Variants in TRAF3IP1 observed in about 807,000 individuals in gnomAD.
TRAF3IP1 encodes the protein intraflagellar transport 54.
Under a neutral mutation model 89.9 loss-of-function variants are expected in TRAF3IP1, and 53 were observed. The ratio of observed to expected loss-of-function variants is 0.59; its 90% CI spans 0.47 to 0.74. The LOEUF is 0.74. TRAF3IP1 is among the 30% of genes least tolerant of loss of function. TRAF3IP1 has a pLI of 0.00. For synonymous variants in TRAF3IP1, 311 were observed against 322.1 expected, an observed-to-expected ratio of 0.97 and a Z score of 0.37; for missense variants, 806 against 866.1, an observed-to-expected ratio of 0.93 and a Z score of 0.87.
At chr2:238,347,085 C>T (rs369345736) in intron 9 of TRAF3IP1, 18 of 193,412 alleles carry the variant, frequency 9.3e-5, no homozygotes, top group Middle Eastern at 2.1e-3. Flanking sequence ...TTTGGTTGGC[C>T]GGGTTCAGAC....
In TRAF3IP1 at chr2:238,372,879, C is replaced by T. The variant is rs540506522; in HGVS notation, c.1689+16799C>T. ...GTTTTGATTTGCATTTTTCTGATGA[C>T]CAGTGATGATGAGCATTTTTTCACG... On this transcript the variant is annotated intron_variant, in intron 15 of 16. Transcript: ENST00000373327. Among the ~76,000 whole-genome samples the T allele has an allele frequency of 2.6e-5, 4 of 152,294 alleles. No homozygotes were observed. In the South Asian group the frequency reaches 8.3e-4, roughly 32 times the overall value.
chr2:238,358,334 T>C (rs1485812170), intron 15 of TRAF3IP1, among the ~76,000 whole-genome samples: 5 of 152,170 alleles, frequency 3.3e-5, no homozygotes, highest in Non-Finnish European at 4.4e-5. Flanking sequence ...GCTATGAGTT[T>C]GAGATCATCC....
intron 15 of TRAF3IP1, among the ~76,000 whole-genome samples, chr2:238,393,448 T>C (rs528376196): frequency 2.6e-5 from 4 of 152,344 alleles, no homozygotes; most frequent in South Asian, 2.1e-4. Context: ...ATTGGATGTG[T>C]GATTTGCAGT....
rs766131135 is a variant in TRAF3IP1, at chr2:238,333,955, T to G, written c.988-5T>G. 1 of 1,601,644 alleles carries G rather than the reference T, an allele frequency of 6.2e-7. No homozygotes were observed. Among genetic ancestry groups the G allele is most frequent in the Non-Finnish European group, 8.5e-7 (1 of 1,173,372 alleles). On this transcript the variant is annotated splice_region_variant and splice_polypyrimidine_tract_variant and intron_variant, in intron 6 of 16. Coordinates refer to ENST00000373327, the MANE Select transcript of TRAF3IP1 (RefSeq NM_015650.4). ...TTAATTTCTTTTCATTCTTTTTTCT[T>G]TAAGACTGAGATTTCCACTAGAGCT...
At chr2:238,346,889 T>G (rs942075974) in intron 9 of TRAF3IP1, among the ~76,000 whole-genome samples, 1 of 152,264 alleles carries the variant, frequency 6.6e-6, no homozygotes, top group African/African-American at 2.4e-5. Context: ...TTTGACCGTT[T>G]AGGTCACATT....
In TRAF3IP1 at chr2:238,365,546, C is replaced by T. The variant is rs187500072; in HGVS notation, c.1689+9466C>T. 2.4e-3 allele frequency among the ~76,000 whole-genome samples: 359 copies of T among 152,066 alleles called. 1 individual carries two copies. Among genetic ancestry groups the T allele is most frequent in the Non-Finnish European group, 3.6e-3 (247 of 67,982 alleles). ...GGTGGTGCATACCTGTGTTTCCAGCCACTCGGGAGGCTGAGGCAGAAGGAT... is the reference window on the plus strand; with the variant it reads ...GGTGGTGCATACCTGTGTTTCCAGCTACTCGGGAGGCTGAGGCAGAAGGAT... On this transcript the variant is annotated intron_variant, in intron 15 of 16. Coordinates refer to ENST00000373327, the MANE Select transcript of TRAF3IP1 (RefSeq NM_015650.4).
Position 238,398,820 on chromosome 2 carries a change from C to A in TRAF3IP1, c.1977C>A (p.Asp659Glu), listed in dbSNP as rs113619283. ...CGGAGCTGGAGCAGCTGATCAAAGA[C>A]CAGCAAGACAAGATCTGTGCTGTGA... The part of the protein sequence containing the change: ...ELAELEQLIK[D>E]QQDKICAVKA... The change falls in exon 17 of 17, where the codon GAC becomes GAA. Residue 659 changes from aspartate (D) to glutamate (E), a missense_variant. By Grantham distance (45) the Asp-to-Glu change is conservative. Coordinates refer to ENST00000373327, the MANE Select transcript of TRAF3IP1 (RefSeq NM_015650.4). 1 of 1,613,304 alleles carries A rather than the reference C, an allele frequency of 6.2e-7. No individual in the cohort carries two copies. Among genetic ancestry groups the A allele is most frequent in the South Asian group, 1.1e-5 (1 of 90,982 alleles).
chr2:238,340,812 CGTGTGTGTGT>C (rs71414327), intron 8 of TRAF3IP1, among the ~76,000 whole-genome samples: 1 of 149,302 alleles, frequency 6.7e-6, no homozygotes, highest in Non-Finnish European at 1.5e-5. Flanking sequence ...TACAGTTATG[CGTGTGTGTGT>C]GTGTGTGTGT....
intron 1 of TRAF3IP1, 53 bp from the exon 2 acceptor site, chr2:238,325,253 G>A: frequency 1.3e-6 from 2 of 1,566,874 alleles, no homozygotes; most frequent in South Asian, 2.2e-5. Context: ...GGATGAGGCT[G>A]ATGAGGAGGC....
At chr2:238,378,025 G>T (rs1301234729) in intron 15 of TRAF3IP1, among the ~76,000 whole-genome samples, 1 of 151,882 alleles carries the variant, frequency 6.6e-6, no homozygotes, top group Non-Finnish European at 1.5e-5. Flanking sequence ...TTGTTTGTTT[G>T]TTTGTTTTTT....
intron 14 of TRAF3IP1, among the ~76,000 whole-genome samples, chr2:238,355,280 C>G (rs889573871): frequency 6.6e-6 from 1 of 152,224 alleles, no homozygotes; most frequent in Non-Finnish European, 1.5e-5. Flanking sequence ...CCTCTACCCT[C>G]TACTCTCCCT....
chr2:238,346,793 G>A lies in TRAF3IP1; in HGVS notation c.1262-662G>A, dbSNP rs148004397. Among the ~76,000 whole-genome samples the A allele has an allele frequency of 2.9e-3, 445 of 152,294 alleles. 2 individuals carry two copies. Among genetic ancestry groups the A allele is most frequent in the African/African-American group, 0.01 (419 of 41,548 alleles). On this transcript the variant is annotated intron_variant, in intron 9 of 16. Coordinates refer to ENST00000373327, the MANE Select transcript of TRAF3IP1 (RefSeq NM_015650.4). Reference sequence around the variant, plus strand: ...GCGCTTTCTGCTCTTCTGCAAATGCGTTCGTGCATCTTAAGAGTGTGAAAC... The same window carrying A: ...GCGCTTTCTGCTCTTCTGCAAATGCATTCGTGCATCTTAAGAGTGTGAAAC...
chr2:238,335,835 CTG>C (rs1698365719), intron 7 of TRAF3IP1, among the ~76,000 whole-genome samples: 1 of 151,194 alleles, frequency 6.6e-6, no homozygotes, highest in Non-Finnish European at 1.5e-5. Flanking sequence ...GAGTCTCACT[CTG>C]TTGCCAGACT....
chr2:238,374,072 G>C (rs1674882192), intron 15 of TRAF3IP1, among the ~76,000 whole-genome samples: 2 of 152,196 alleles, frequency 1.3e-5, no homozygotes, highest in Non-Finnish European at 2.9e-5. Flanking sequence ...CATGTCATCT[G>C]CAAACAGGGA....
chr2:238,374,868 G>A (rs1276278058), intron 15 of TRAF3IP1, among the ~76,000 whole-genome samples: 1 of 152,158 alleles, frequency 6.6e-6, no homozygotes, highest in Admixed American at 6.5e-5. Context: ...GAGGGTGTAT[G>A]TGTCCAGGAA....
rs1421537563 is a variant in TRAF3IP1 at position 238,351,866 on chromosome 2, T to TGTGTGTGTGTGTGTGTGTGCGC, written c.1452-960_1452-959insTGTGTGTGTGTGTGTGTGCGCG. On this transcript the variant is annotated intron_variant, in intron 12 of 16. Coordinates refer to ENST00000373327, the MANE Select transcript of TRAF3IP1 (RefSeq NM_015650.4). The surrounding 1 kb of genome is among the most constrained non-coding windows in gnomAD (Gnocchi z 5.2). The stretch of plus-strand genomic sequence containing the variant: ...GTGTGTGTGTGTGTGTGTGTGTGTG[T>TGTGTGTGTGTGTGTGTGTGCGC]GCGCGCGCGCGCGTGTGCGTGCATG... Among the ~76,000 whole-genome samples, 1 of 128,194 alleles carries TGTGTGTGTGTGTGTGTGTGCGC rather than the reference T, an allele frequency of 7.8e-6. No individual in the cohort carries two copies. Among genetic ancestry groups the TGTGTGTGTGTGTGTGTGTGCGC allele is most frequent in the African/African-American group, 3.4e-5 (1 of 29,418 alleles). The allele number at this position is 128,194 out of a possible 152,430, so 84.1% of individuals were successfully genotyped here.
Position 238,344,540 on chromosome 2 carries a change from T to C in TRAF3IP1, c.1203T>C (p.Asp401=), listed in dbSNP as rs756116803. Residue 401 remains aspartate (D), a synonymous_variant, in exon 9 of 17, where the codon GAT becomes GAC. Coordinates refer to ENST00000373327, the MANE Select transcript of TRAF3IP1 (RefSeq NM_015650.4). ...TTAACTCAACTAGTATTTCAGATGA[T>C]AATTCAGCTAGTCTGCGGTGTGAGA... ...ANINSTSISD[D]NSASLRCENI... The C allele has an allele frequency of 6.2e-7, 1 of 1,614,216 alleles. No homozygotes were observed. Among genetic ancestry groups the C allele is most frequent in the Non-Finnish European group, 8.5e-7 (1 of 1,180,034 alleles).
At position 238,398,934 on chromosome 2, in the gene TRAF3IP1, C is replaced by T; in HGVS notation, c.*15C>T. On this transcript the variant is annotated 3_prime_UTR_variant, in exon 17 of 17. Coordinates refer to ENST00000373327, the MANE Select transcript of TRAF3IP1 (RefSeq NM_015650.4). ...CGAGAAGGTGAACACTCAAAAGTTTCAGAGATGAAAAGTCACCTCAGTTTA... is the reference window on the plus strand; with the variant it reads ...CGAGAAGGTGAACACTCAAAAGTTTTAGAGATGAAAAGTCACCTCAGTTTA... 6.3e-7 allele frequency: 1 copy of T among 1,583,890 alleles called. No individual in the cohort carries two copies. Among genetic ancestry groups the T allele is most frequent in the East Asian group, 2.2e-5 (1 of 44,502 alleles).
At position 238,399,185 on chromosome 2, in the gene TRAF3IP1, G is replaced by T. The variant is rs1481214539; in HGVS notation, c.*266G>T. 3.1e-6 allele frequency: 1 copy of T among 322,602 alleles called. No homozygotes were observed. The highest frequency in any genetic ancestry group is 2.2e-5 in the African/African-American group (1 of 46,308). The allele number at this position is 322,602 out of a possible 1,614,324, so 20.0% of individuals were successfully genotyped here. On this transcript the variant is annotated 3_prime_UTR_variant, in exon 17 of 17. Transcript: ENST00000373327. ...CTGTGAAAAGTTTTTTTGAAAGCCT[G>T]TTCTTTGTGTTTCTGCTGTAACCTG...
Sources: allele counts gnomAD v4.1 joint callset (sites outside exome capture counted in the v4.1 genomes callset), GRCh38; gene constraint gnomAD v4.1.1; non-coding constraint Gnocchi (gnomAD v3.1); transcripts MANE v1.5; gene names NCBI Gene and HGNC (gene_info 2026-07-23, HGNC 2026-07-21).